TMX4: variants seen among roughly 807,000 people sequenced by gnomAD.
TMX4 encodes the protein thioredoxin-related transmembrane protein 4.
In TMX4, 23 loss-of-function variants were observed where a neutral mutation model predicts 33.3. The observed-to-expected ratio is 0.69, with a 90% CI of 0.50 to 0.98. The LOEUF is 0.98. TMX4 is among the 50% of genes least tolerant of loss of function. The pLI is 0.00. For synonymous variants in TMX4, 164 were observed against 161.5 expected (o/e 1.02, Z -0.12); for missense variants, 399 against 448.9 (o/e 0.89, Z 1.01).
chr20:8,001,372 A>G (rs191803331), intron 3 of TMX4, 124 bp downstream of exon 3: 3 of 1,011,392 alleles, frequency 3.0e-6, no homozygotes, highest in Non-Finnish European at 4.4e-6. Context: ...CTCAGAGCAC[A>G]CCAGCCTTGT....
intron 5 of TMX4, among the ~76,000 whole-genome samples, chr20:7,994,701 C>T (rs955716314): frequency 6.6e-6 from 1 of 152,212 alleles, no homozygotes; most frequent in Non-Finnish European, 1.5e-5. Context: ...TGACAACCAT[C>T]TACTCCAATT....
Position 7,982,401 on chromosome 20 carries a change from C to A in TMX4, c.900G>T (p.Gly300=), listed in dbSNP as rs1371866944. ...DEERSEANDQ[G]PPGEDGVTRE... Reference sequence around the variant, plus strand: ...GGGTCACACCGTCCTCTCCTGGGGGCCCCTGATCATTGGCCTCACTTCTCT... The same window carrying A: ...GGGTCACACCGTCCTCTCCTGGGGGACCCTGATCATTGGCCTCACTTCTCT... The change falls in exon 8 of 8, where the codon GGG becomes GGT. Residue 300 remains glycine (G), a synonymous_variant. Coordinates refer to ENST00000246024, the MANE Select transcript of TMX4 (RefSeq NM_021156.4). 6.2e-7 allele frequency: 1 copy of A among 1,614,100 alleles called. No individual in the cohort carries two copies. Among genetic ancestry groups the A allele is most frequent in the South Asian group, 1.1e-5 (1 of 91,076 alleles).
chr20:7,982,004 C>A lies in TMX4; in HGVS notation c.*247G>T, dbSNP rs946686932. On this transcript the variant is annotated 3_prime_UTR_variant, in exon 8 of 8. Transcript: ENST00000246024. ...ACTCTCTGACCCCTAAGTAAATGAA[C>A]TTGTTCCCATCCCAGTCTCCAAACA... 1 of 459,550 alleles carries A rather than the reference C, an allele frequency of 2.2e-6. No individual in the cohort carries two copies. Among genetic ancestry groups the A allele is most frequent in the Non-Finnish European group, 3.9e-6 (1 of 258,702 alleles). The allele number at this position is 459,550 out of a possible 1,614,324, so 28.5% of individuals were successfully genotyped here. A position where few individuals can be genotyped will look rare whatever the true frequency, so the allele number is the denominator to read the frequency against.
At chr20:8,001,643 T>C in intron 2 of TMX4, 102 bp from the exon 3 acceptor site, 1 of 1,111,706 alleles carries the variant, frequency 9.0e-7, no homozygotes, top group Admixed American at 2.6e-5. Flanking sequence ...ACTGCAATTG[T>C]TGACTCACAT....
At chr20:8,010,375 G>C in intron 1 of TMX4, 60 bp from the exon 2 acceptor site, 1 of 1,037,986 alleles carries the variant, frequency 9.6e-7, no homozygotes, top group Non-Finnish European at 1.3e-6. Flanking sequence ...GCAAAACAGA[G>C]AAATCGAGTA....
chr20:7,997,280 G>T (rs1251259329), intron 4 of TMX4, among the ~76,000 whole-genome samples: 1 of 151,714 alleles, frequency 6.6e-6, no homozygotes, highest in Non-Finnish European at 1.5e-5. Context: ...TCTTCATGGG[G>T]ACCCATTTCC....
At chr20:7,986,361 G>C (rs1430750591) in intron 6 of TMX4, among the ~76,000 whole-genome samples, 1 of 152,042 alleles carries the variant, frequency 6.6e-6, no homozygotes, top group Admixed American at 6.6e-5. Context: ...GGCCTCTTGG[G>C]GTTGTGACTT....
chr20:8,019,227 G>C, intron 1 of TMX4: 1 of 574,666 alleles, frequency 1.7e-6, no homozygotes, highest in Non-Finnish European at 2.9e-6. Flanking sequence ...CAGGTCGTTG[G>C]TAAGGCGGGT....
chr20:7,983,860 G>A lies in TMX4; in HGVS notation c.616-3C>T, dbSNP rs528680399. The A allele has an allele frequency of 1.9e-6, 3 of 1,612,090 alleles. No homozygotes were observed. The highest frequency in any genetic ancestry group is 2.2e-5 in the East Asian group (1 of 44,764). ...CATTCTGATATTACCACCAAGACCT[G>A]GAAGGAAAAAAGTGATTTTACAGTG... On this transcript the variant is annotated splice_region_variant and splice_polypyrimidine_tract_variant and intron_variant, in intron 6 of 7. Transcript: ENST00000246024.
chr20:8,018,422 GAA>G (rs1568541077), intron 1 of TMX4, among the ~76,000 whole-genome samples: 2 of 51,264 alleles, frequency 3.9e-5, no homozygotes, highest in African/African-American at 2.0e-4. Flanking sequence ...GAGAGAGAGA[GAA>G]GAGAGAGAGG....
intron 1 of TMX4, among the ~76,000 whole-genome samples, chr20:8,010,973 A>T (rs2050750571): frequency 6.6e-6 from 1 of 152,160 alleles, no homozygotes; most frequent in Admixed American, 6.5e-5. Context: ...TGAGGCTACA[A>T]TTGTGAAGGA....
At chr20:8,006,112 C>G (rs1377899609) in intron 2 of TMX4, among the ~76,000 whole-genome samples, 1 of 151,986 alleles carries the variant, frequency 6.6e-6, no homozygotes, top group Non-Finnish European at 1.5e-5. Context: ...AAACATTCAC[C>G]CCTTTATGCT....
chr20:7,991,284 T>C (rs940564583), intron 5 of TMX4, among the ~76,000 whole-genome samples: 5 of 152,234 alleles, frequency 3.3e-5, no homozygotes, highest in Admixed American at 2.6e-4. Context: ...CATCCTATAT[T>C]ATCAGTGAGC....
chr20:7,977,618 G>A lies in TMX4; in HGVS notation c.*4633C>T, dbSNP rs1238273110. 1 of 152,174 alleles carries A rather than the reference G, an allele frequency of 6.6e-6. No homozygotes were observed. The highest frequency in any genetic ancestry group is 1.5e-5 in the Non-Finnish European group (1 of 68,022). 9.4% of individuals were successfully genotyped at this position (152,174 alleles called of 1,614,324 possible). The stretch of plus-strand genomic sequence containing the variant: ...ATCTGGATTTCTCATTCCAATTGCT[G>A]CAGATGCTATTTGAGGAAGCAAAGA... On this transcript the variant is annotated 3_prime_UTR_variant, in exon 8 of 8. Transcript: ENST00000246024.
intron 2 of TMX4, among the ~76,000 whole-genome samples, chr20:8,004,160 G>C (rs923994720): frequency 6.7e-6 from 1 of 149,126 alleles, no homozygotes; most frequent in Non-Finnish European, 1.5e-5. Context: ...GAGGCTAAAA[G>C]ACATCCGAAA....
chr20:8,001,480 G>A lies in TMX4; in HGVS notation c.338+16C>T. The stretch of plus-strand genomic sequence containing the variant: ...ATTTCTAATATTTGCAAGATTAGAA[G>A]ATTATTTAAACTTACTGAAAAAATG... On this transcript the variant is annotated intron_variant, in intron 3 of 7. Transcript: ENST00000246024. The A allele has an allele frequency of 6.3e-7, 1 of 1,583,604 alleles. No individual in the cohort carries two copies. Among genetic ancestry groups the A allele is most frequent in the South Asian group, 1.1e-5 (1 of 87,144 alleles).
chr20:7,990,617 C>A (rs1305352400), intron 5 of TMX4, among the ~76,000 whole-genome samples: 3 of 152,144 alleles, frequency 2.0e-5, no homozygotes. Flanking sequence ...ACTACTTAGT[C>A]ACACCCACTC....
intron 3 of TMX4, among the ~76,000 whole-genome samples, chr20:8,000,271 G>A (rs6055451): frequency 2.0e-5 from 3 of 151,770 alleles, no homozygotes; most frequent in African/African-American, 7.3e-5. Context: ...AACAAAAAAC[G>A]TCATACCCCC....
Position 7,999,908 on chromosome 20 carries a change from T to C in TMX4, c.339-48A>G, listed in dbSNP as rs1326997182. The C allele has an allele frequency of 3.8e-6, 6 of 1,568,886 alleles. No homozygotes were observed. The African/African-American group carries it at 4.2e-5, about 11-fold the overall frequency. On this transcript the variant is annotated intron_variant, in intron 3 of 7. Transcript: ENST00000246024. ...GAAAGCAAATGCATTAAAATAACGA[T>C]GTTACAGATAATAAAAATTAAAATA...
Sources: allele counts gnomAD v4.1 joint callset (sites outside exome capture counted in the v4.1 genomes callset), GRCh38; gene constraint gnomAD v4.1.1; transcripts MANE v1.5; gene names NCBI Gene and HGNC (gene_info 2026-07-23, HGNC 2026-07-21).